DYNC1I2: variants seen among roughly 807,000 people sequenced by gnomAD.
DYNC1I2 encodes dynein cytoplasmic 1 intermediate chain 2.
In DYNC1I2, 53 loss-of-function variants were observed where a neutral mutation model predicts 88.6. The ratio of observed to expected loss-of-function variants is 0.60; its 90% CI spans 0.48 to 0.75. The LOEUF (loss-of-function observed/expected upper bound fraction) is 0.75. Ranked by LOEUF, DYNC1I2 falls within the 30% of genes least tolerant of loss-of-function variation. The pLI is 0.00. For missense variants in DYNC1I2, 458 were observed against 766.6 expected (o/e 0.60, Z 4.75); for synonymous variants, 198 against 254.6 (o/e 0.78, Z 2.12).
chr2:171,693,327 A>C (rs188270479), intron 3 of DYNC1I2, among the ~76,000 whole-genome samples: 1 of 152,212 alleles, frequency 6.6e-6, no homozygotes, highest in African/African-American at 2.4e-5. Context: ...GTGGAAGGAT[A>C]AGCTTATAGC....
At chr2:171,696,759 GCTCT>G (rs1685798594) in intron 3 of DYNC1I2, among the ~76,000 whole-genome samples, 1 of 151,850 alleles carries the variant, frequency 6.6e-6, no homozygotes, top group Non-Finnish European at 1.5e-5. Flanking sequence ...GCATTTCTGG[GCTCT>G]CTATTTTCAC....
At chr2:171,692,949 C>A in intron 3 of DYNC1I2, 55 bp downstream of exon 3, 1 of 1,219,550 alleles carries the variant, frequency 8.2e-7, no homozygotes, top group South Asian at 1.3e-5. Flanking sequence ...CTGTTCAGCT[C>A]AGACATAGCT....
At chr2:171,701,842 T>G (rs1686285774) in intron 3 of DYNC1I2, among the ~76,000 whole-genome samples, 1 of 152,104 alleles carries the variant, frequency 6.6e-6, no homozygotes, top group Non-Finnish European at 1.5e-5. Context: ...TCAACAAAGG[T>G]TTTTCTGAGT....
At chr2:171,720,261 AAGG>A (rs994803654) in intron 7 of DYNC1I2, among the ~76,000 whole-genome samples, 19 of 152,162 alleles carry the variant, frequency 1.2e-4, no homozygotes, top group African/African-American at 3.6e-4. Context: ...CTTATCTGTG[AAGG>A]AGTTTATAAT....
chr2:171,710,725 C>CAA (rs1422977681), intron 5 of DYNC1I2, among the ~76,000 whole-genome samples: 1 of 144,866 alleles, frequency 6.9e-6, no homozygotes. Flanking sequence ...TTTTTTGAGT[C>CAA]AGAGTCTTGC....
At position 171,748,968 on chromosome 2, in the gene DYNC1I2, T is replaced by G. The variant is rs1361451042; in HGVS notation, c.*1079T>G. ...AAAGGACTATGATCAGATCTTGATT[T>G]TATCTACTTTAAATTGTCTATTTAT... On this transcript the variant is annotated 3_prime_UTR_variant, in exon 18 of 18. Transcript: ENST00000397119. Among the ~76,000 whole-genome samples, 1 of 152,208 alleles carries G rather than the reference T, an allele frequency of 6.6e-6. No homozygotes were observed. Among genetic ancestry groups the G allele is most frequent in the African/African-American group, 2.4e-5 (1 of 41,462 alleles).
Position 171,749,113 on chromosome 2 carries a change from A to T in DYNC1I2, c.*1224A>T, listed in dbSNP as rs1277882036. Among the ~76,000 whole-genome samples the T allele has an allele frequency of 1.3e-5, 2 of 152,196 alleles. No homozygotes were observed. Among genetic ancestry groups the T allele is most frequent in the Non-Finnish European group, 2.9e-5 (2 of 68,000 alleles). The stretch of plus-strand genomic sequence containing the variant: ...TTTTCTTTTAATAATTGTAACAAAG[A>T]TTTGTTGGGAGAGAAATTTCCAAAT... On this transcript the variant is annotated 3_prime_UTR_variant, in exon 18 of 18. Transcript: ENST00000397119.
chr2:171,721,416 C>T (rs1015903357), intron 7 of DYNC1I2, among the ~76,000 whole-genome samples: 2 of 152,008 alleles, frequency 1.3e-5, no homozygotes, highest in African/African-American at 4.8e-5. Flanking sequence ...TAATATGCAT[C>T]TGATTTTAAA....
At chr2:171,747,207 T>TTTTATATATATA (rs1553598931) in intron 17 of DYNC1I2, among the ~76,000 whole-genome samples, 1 of 124,702 alleles carries the variant, frequency 8.0e-6, no homozygotes, top group Non-Finnish European at 1.7e-5. Flanking sequence ...AAAAAAAAAA[T>TTTTATATATATA]TATATATATA....
chr2:171,721,600 C>G (rs928763173), intron 7 of DYNC1I2, among the ~76,000 whole-genome samples: 3 of 152,106 alleles, frequency 2.0e-5, no homozygotes, highest in Non-Finnish European at 4.4e-5. Context: ...ATTTTCATAG[C>G]TGTTTGTGAA....
chr2:171,734,935 T>G (rs1164052723), intron 15 of DYNC1I2, among the ~76,000 whole-genome samples: 2 of 152,232 alleles, frequency 1.3e-5, no homozygotes, highest in African/African-American at 2.4e-5. Flanking sequence ...TTTAAACACC[T>G]TGTTCCAATT....
In DYNC1I2 at chr2:171,729,816, C is replaced by G; in HGVS notation, c.1499C>G (p.Ser500Ter). The change falls in exon 15 of 18, where the codon TCA (serine) becomes TGA (stop). Residue 500 changes from serine (S) to a stop codon, truncating the protein, a stop_gained. Transcript: ENST00000397119. LOFTEE classifies it high-confidence loss of function. Reference protein sequence around the residue: ...AVDFSHLFVTSSFDWTVKLWT... With the variant: ...AVDFSHLFVT ...GACTTCTCACATCTTTTTGTCACTT[C>G]ATCGTTTGACTGGACAGTAAAGCTT... The G allele has an allele frequency of 6.2e-7, 1 of 1,613,740 alleles. No homozygotes were observed. The highest frequency in any genetic ancestry group is 8.5e-7 in the Non-Finnish European group (1 of 1,179,710).
chr2:171,712,745 T>C, intron 5 of DYNC1I2, 22 bp from the exon 6 acceptor site: 1 of 1,603,908 alleles, frequency 6.2e-7, no homozygotes, highest in Non-Finnish European at 8.5e-7. Flanking sequence ...TAATGCTTCA[T>C]GGTTGTCCTA....
intron 2 of DYNC1I2, 123 bp downstream of exon 2, chr2:171,690,386 A>G (rs1006124591): frequency 3.7e-5 from 24 of 656,750 alleles, no homozygotes; most frequent in African/African-American, 3.1e-4. Context: ...GGCAAAAATT[A>G]TGATTGCTTT....
intron 4 of DYNC1I2, chr2:171,707,056 T>A (rs953993033): frequency 1.6e-6 from 1 of 622,294 alleles, no homozygotes; most frequent in South Asian, 2.1e-5. Context: ...ATTATAAAGC[T>A]CAAATGCATT....
chr2:171,741,644 T>G lies in DYNC1I2; in HGVS notation c.1537-2405T>G, dbSNP rs190056084. The stretch of plus-strand genomic sequence containing the variant: ...AGGTTCTCTTTTCACTTTCTTGATA[T>G]CATTTGAAGCCCAAAAGTATTTAAT... On this transcript the variant is annotated intron_variant, in intron 15 of 17. Transcript: ENST00000397119. Among the ~76,000 whole-genome samples, 10 of 152,338 alleles carry G rather than the reference T, an allele frequency of 6.6e-5. No homozygotes were observed. In the East Asian group the frequency reaches 1.9e-3, roughly 29 times the overall value.
intron 7 of DYNC1I2, among the ~76,000 whole-genome samples, chr2:171,722,315 G>GTT (rs1687953050): frequency 6.6e-6 from 1 of 152,206 alleles, no homozygotes; most frequent in East Asian, 1.9e-4. Flanking sequence ...ATTAAACCTA[G>GTT]TTTTAGCATT....
rs148802982 is a variant in DYNC1I2, at chr2:171,743,583, A to G, written c.1537-466A>G. ...CCCACACAGATACTGATACCATGCA[A>G]GTCTTGTAGTTGTGAGAGGTTTGTT... On this transcript the variant is annotated intron_variant, in intron 15 of 17. Coordinates refer to ENST00000397119, the MANE Select transcript of DYNC1I2 (RefSeq NM_001378.3). Among the ~76,000 whole-genome samples, 22 of 152,222 alleles carry G rather than the reference A, an allele frequency of 1.4e-4. 1 individual carries two copies. Among genetic ancestry groups the G allele is most frequent in the African/African-American group, 5.3e-4 (22 of 41,536 alleles).
At position 171,749,731 on chromosome 2, in the gene DYNC1I2, C is replaced by T. The variant is rs915690053; in HGVS notation, c.*1842C>T. Among the ~76,000 whole-genome samples the T allele has an allele frequency of 6.6e-6, 1 of 152,104 alleles. No homozygotes were observed. The highest frequency in any genetic ancestry group is 2.4e-5 in the African/African-American group (1 of 41,424). ...TTTTGGGAATGACTTCTCCCCTACT[C>T]CCCCAGAAAATGCGATGTATACCTT... On this transcript the variant is annotated 3_prime_UTR_variant, in exon 18 of 18. Coordinates refer to ENST00000397119, the MANE Select transcript of DYNC1I2 (RefSeq NM_001378.3).
Sources: gnomAD v4.1 joint callset for allele counts (sites outside exome capture counted in the v4.1 genomes callset) on GRCh38, gnomAD v4.1.1 for gene constraint, MANE v1.5 for transcripts, NCBI Gene and HGNC (gene_info 2026-07-23, HGNC 2026-07-21) for gene names.